The following RSPO3 variants were observed in gnomAD, a reference collection of about 807,000 sequenced individuals.
The protein encoded by RSPO3 is R-spondin-3.
A neutral mutation model predicts 36.5 loss-of-function variants in RSPO3; 17 were observed. That is an observed-to-expected ratio of 0.47 (90% CI 0.32 to 0.70). RSPO3 has a LOEUF of 0.70. Ranked by LOEUF, RSPO3 falls within the 30% of genes least tolerant of loss-of-function variation. RSPO3 has a pLI of 0.04. For synonymous variants in RSPO3, 108 were observed against 107.0 expected, an observed-to-expected ratio of 1.01 and a Z score of -0.06; for missense variants, 294 against 322.5, an observed-to-expected ratio of 0.91 and a Z score of 0.68.
intron 4 of RSPO3, among the ~76,000 whole-genome samples, chr6:127,174,395 A>C (rs1485372048): frequency 6.6e-6 from 1 of 151,964 alleles, no homozygotes; most frequent in Non-Finnish European, 1.5e-5. Context: ...GCATTGCCTG[A>C]GTATTTTTAC....
At chr6:127,177,008 A>G (rs559742698) in intron 4 of RSPO3, among the ~76,000 whole-genome samples, 1 of 151,884 alleles carries the variant, frequency 6.6e-6, no homozygotes, top group South Asian at 2.1e-4. Context: ...TCCTTATTGC[A>G]AGGACTTCCT....
At position 127,197,719 on chromosome 6, in the gene RSPO3, T is replaced by G. The variant is rs1314512254; in HGVS notation, c.*1712T>G. 29 of 538,322 alleles carry G rather than the reference T, an allele frequency of 5.4e-5. No individual in the cohort carries two copies. The highest frequency in any genetic ancestry group is 1.9e-5 in the Non-Finnish European group (6 of 317,208). 33.3% of individuals were successfully genotyped at this position (538,322 alleles called of 1,614,324 possible). On this transcript the variant is annotated 3_prime_UTR_variant, in exon 5 of 5. Coordinates refer to ENST00000356698, the MANE Select transcript of RSPO3 (RefSeq NM_032784.5). ...GTAATCTACTTGGCTTAATTGATTT[T>G]CCACTTCTCTCTTCCTCTTCTAAGA...
chr6:127,136,029 C>T (rs975545789), intron 1 of RSPO3, among the ~76,000 whole-genome samples: 1 of 151,572 alleles, frequency 6.6e-6, no homozygotes, highest in African/African-American at 2.4e-5. Flanking sequence ...ACTCATGTTA[C>T]TGAAGAAGAT....
intron 4 of RSPO3, among the ~76,000 whole-genome samples, chr6:127,188,994 G>A (rs750649827): frequency 6.6e-6 from 1 of 152,094 alleles, no homozygotes; most frequent in Non-Finnish European, 1.5e-5. Flanking sequence ...ATCCTCATCT[G>A]TAGAACAGGG....
intron 1 of RSPO3, among the ~76,000 whole-genome samples, chr6:127,137,830 C>T (rs149783316): frequency 3.8e-3 from 573 of 152,168 alleles, no homozygotes; most frequent in Non-Finnish European, 5.3e-3. Flanking sequence ...TAATTTGCGG[C>T]AAAAAGTTTC....
At chr6:127,181,172 G>A (rs1421213964) in intron 4 of RSPO3, among the ~76,000 whole-genome samples, 1 of 151,826 alleles carries the variant, frequency 6.6e-6, no homozygotes, top group Non-Finnish European at 1.5e-5. Flanking sequence ...GGTCATAGCA[G>A]CTATACATTA....
chr6:127,137,450 T>C (rs1449529274), intron 1 of RSPO3, among the ~76,000 whole-genome samples: 25 of 152,160 alleles, frequency 1.6e-4, no homozygotes, highest in Admixed American at 1.6e-3. Flanking sequence ...CCAAGTATCA[T>C]GATATTTGTT....
chr6:127,181,240 T>C (rs1775180801), intron 4 of RSPO3, among the ~76,000 whole-genome samples: 1 of 151,944 alleles, frequency 6.6e-6, no homozygotes, highest in South Asian at 2.1e-4. Flanking sequence ...AGAAGTAGCC[T>C]TTAAAATGTA....
intron 4 of RSPO3, among the ~76,000 whole-genome samples, chr6:127,161,683 A>G (rs757080556): frequency 1.3e-5 from 2 of 152,160 alleles, no homozygotes; most frequent in Non-Finnish European, 2.9e-5. Context: ...TTCTAAAATA[A>G]ACTTTGTAAT....
At chr6:127,182,861 C>A (rs1200023278) in intron 4 of RSPO3, among the ~76,000 whole-genome samples, 1 of 151,982 alleles carries the variant, frequency 6.6e-6, no homozygotes, top group South Asian at 2.1e-4. Context: ...GGGCTAGAAT[C>A]ATATTTCATG....
chr6:127,190,628 ATACT>A (rs1271389946), intron 4 of RSPO3, among the ~76,000 whole-genome samples: 4 of 152,206 alleles, frequency 2.6e-5, no homozygotes, highest in Non-Finnish European at 5.9e-5. Context: ...GAAAAATGTA[ATACT>A]TATTTAATTG....
chr6:127,168,966 T>A (rs1293275295), intron 4 of RSPO3, among the ~76,000 whole-genome samples: 3 of 152,100 alleles, frequency 2.0e-5, no homozygotes, highest in Non-Finnish European at 4.4e-5. Flanking sequence ...ATATCTCTGT[T>A]TTGGTACGAG....
At chr6:127,152,973 C>G (rs1334546137) in intron 3 of RSPO3, among the ~76,000 whole-genome samples, 1 of 152,022 alleles carries the variant, frequency 6.6e-6, no homozygotes, top group African/African-American at 2.4e-5. Flanking sequence ...TGCAACTAGT[C>G]AACAAGAATT....
chr6:127,153,128 G>C (rs1774523580), intron 3 of RSPO3, among the ~76,000 whole-genome samples: 1 of 152,110 alleles, frequency 6.6e-6, no homozygotes, highest in African/African-American at 2.4e-5. Flanking sequence ...TTACCTTTAT[G>C]AGACATGTGC....
intron 1 of RSPO3, 143 bp from the exon 2 acceptor site, chr6:127,148,504 AG>A (rs1774429730): frequency 1.8e-6 from 1 of 550,696 alleles, no homozygotes; most frequent in African/African-American, 1.9e-5. Context: ...TCATAAAAAA[AG>A]ATAGGAAAAA....
chr6:127,181,912 C>CA (rs957543934), intron 4 of RSPO3, among the ~76,000 whole-genome samples: 5 of 151,538 alleles, frequency 3.3e-5, no homozygotes, highest in African/African-American at 4.8e-5. Flanking sequence ...GTAATTCATT[C>CA]AAAAAAAGAG....
At chr6:127,150,273 A>C (rs568514235) in intron 2 of RSPO3, among the ~76,000 whole-genome samples, 153 bp from the exon 3 acceptor site, 1 of 152,112 alleles carries the variant, frequency 6.6e-6, no homozygotes, top group South Asian at 2.1e-4. Context: ...ATCACTGTGG[A>C]GGAATCGTGA....
At chr6:127,151,376 A>G (rs183785590) in intron 3 of RSPO3, among the ~76,000 whole-genome samples, 39 of 152,084 alleles carry the variant, frequency 2.6e-4, no homozygotes, top group Admixed American at 1.4e-3. Context: ...TACAGCTACA[A>G]CTTTGATGAA....
chr6:127,149,521 T>C (rs1419164105), intron 2 of RSPO3, among the ~76,000 whole-genome samples: 1 of 152,090 alleles, frequency 6.6e-6, no homozygotes, highest in Non-Finnish European at 1.5e-5. Context: ...TTTGCATAGC[T>C]GGCTGTCTTA....
Sources: allele counts gnomAD v4.1 joint callset (sites outside exome capture counted in the v4.1 genomes callset), GRCh38; gene constraint gnomAD v4.1.1; transcripts MANE v1.5; gene names NCBI Gene and HGNC (gene_info 2026-07-23, HGNC 2026-07-21).